Variants in SLC9A8 observed in about 807,000 individuals in gnomAD.
SLC9A8 encodes the protein sodium/hydrogen exchanger 8.
Under a neutral mutation model 66.6 loss-of-function variants are expected in SLC9A8, and 48 were observed. The ratio of observed to expected loss-of-function variants is 0.72; its 90% CI spans 0.57 to 0.92. The LOEUF is 0.92. SLC9A8 is among the 40% of genes least tolerant of loss of function. The pLI is 0.00. For missense variants in SLC9A8, 599 were observed against 747.3 expected, an observed-to-expected ratio of 0.80 and a Z score of 2.31; for synonymous variants, 274 against 282.6, an observed-to-expected ratio of 0.97 and a Z score of 0.31.
chr20:49,884,186 C>T lies in SLC9A8; in HGVS notation c.1491+120C>T, dbSNP rs1426569206. The T allele has an allele frequency of 1.3e-5, 8 of 634,830 alleles. No homozygotes were observed. In the Admixed American group the frequency reaches 1.8e-4, roughly 14 times the overall value. 39.3% of individuals were successfully genotyped at this position (634,830 alleles called of 1,614,324 possible). A position where few individuals can be genotyped will look rare whatever the true frequency, so the allele number is the denominator to read the frequency against. ...TTTCTTGCTTTGAGGATGCCCAGCACCTCCACACACACGACACACACACAC... is the reference window on the plus strand; with the variant it reads ...TTTCTTGCTTTGAGGATGCCCAGCATCTCCACACACACGACACACACACAC... On this transcript the variant is annotated intron_variant, in intron 14 of 15. Transcript: ENST00000361573.
intron 2 of SLC9A8, among the ~76,000 whole-genome samples, chr20:49,818,507 CT>C (rs2086633591): frequency 7.2e-6 from 1 of 139,594 alleles, no homozygotes; most frequent in Non-Finnish European, 1.5e-5. Flanking sequence ...TTTTTTCCCC[CT>C]GAGATGGAAT....
At chr20:49,882,812 G>A (rs370944955) in intron 13 of SLC9A8, among the ~76,000 whole-genome samples, 68 of 152,270 alleles carry the variant, frequency 4.5e-4, no homozygotes, top group East Asian at 2.3e-3. Flanking sequence ...CCTCTGGCCC[G>A]TGACAGGTTT....
At position 49,849,597 on chromosome 20, in the gene SLC9A8, A is replaced by G. The variant is rs1168970054; in HGVS notation, c.451A>G (p.Ile151Val). ...CAAACAGGGTAACTTCTTTCAAAAT[A>G]TTGGTTCCATCACCCTGTTTGCTGT... ...SLHKGNFFQN[I>V]GSITLFAVFG... Residue 151 changes from isoleucine to valine, a missense_variant, in exon 6 of 16, where the codon ATT (isoleucine) becomes GTT (valine). Transcript: ENST00000361573. 2.9e-5 allele frequency: 47 copies of G among 1,613,174 alleles called. No homozygotes were observed. The highest frequency in any genetic ancestry group is 3.7e-5 in the Non-Finnish European group (44 of 1,179,184).
chr20:49,844,430 A>T (rs2087893338), intron 4 of SLC9A8, among the ~76,000 whole-genome samples: 1 of 152,070 alleles, frequency 6.6e-6, no homozygotes, highest in Non-Finnish European at 1.5e-5. Flanking sequence ...TTCTTTCTGT[A>T]CTAAGGAATA....
At chr20:49,884,500 CT>C (rs1568884913) in intron 14 of SLC9A8, among the ~76,000 whole-genome samples, 1 of 152,072 alleles carries the variant, frequency 6.6e-6, no homozygotes, top group Non-Finnish European at 1.5e-5. Context: ...CCACAGGAGT[CT>C]GGACCTGTGC....
chr20:49,843,693 C>T (rs970702904), intron 4 of SLC9A8, among the ~76,000 whole-genome samples: 2 of 152,178 alleles, frequency 1.3e-5, no homozygotes, highest in African/African-American at 2.4e-5. Context: ...TGTTTCACCC[C>T]TCCAAAGATG....
At chr20:49,842,293 C>T (rs1600700935) in intron 4 of SLC9A8, among the ~76,000 whole-genome samples, 1 of 152,066 alleles carries the variant, frequency 6.6e-6, no homozygotes, top group East Asian at 1.9e-4. Flanking sequence ...TGGTCTCGAG[C>T]TCCTGACCTC....
In SLC9A8 at chr20:49,844,634, AAAAAAAAAAAAAAAAAT is replaced by A. The variant is rs1191544819; in HGVS notation, c.349-401_349-385del. Among the ~76,000 whole-genome samples, 2 of 49,326 alleles carry A rather than the reference AAAAAAAAAAAAAAAAAT, an allele frequency of 4.1e-5. 1 individual carries two copies. Among genetic ancestry groups the A allele is most frequent in the African/African-American group, 2.9e-4 (2 of 7,014 alleles). The allele number at this position is 49,326 out of a possible 152,430, so 32.4% of individuals were successfully genotyped here. A position where few individuals can be genotyped will look rare whatever the true frequency, so the allele number is the denominator to read the frequency against. ...CCCTGTATCTTAAAAAAAAAAAAAA[AAAAAAAAAAAAAAAAAT>A]TAGCCCGGCATGGTAGCACGCACAT... On this transcript the variant is annotated intron_variant, in intron 4 of 15. Transcript: ENST00000361573.
intron 6 of SLC9A8, 96 bp from the exon 7 acceptor site, chr20:49,850,714 A>T (rs1199210788): frequency 6.8e-7 from 1 of 1,478,148 alleles, no homozygotes; most frequent in South Asian, 1.2e-5. Flanking sequence ...TGTCCTTATT[A>T]GTTTTAATAA....
rs955729321 is a variant in SLC9A8, at chr20:49,890,941, T to C, written c.*3005T>C. 1 of 152,366 alleles carries C rather than the reference T, an allele frequency of 6.6e-6. No homozygotes were observed. The highest frequency in any genetic ancestry group is 6.5e-5 in the Admixed American group (1 of 15,286). The allele number at this position is 152,366 out of a possible 1,614,324, so 9.4% of individuals were successfully genotyped here. On this transcript the variant is annotated 3_prime_UTR_variant, in exon 16 of 16. Transcript: ENST00000361573. ...CATGGAATGCTGAAAGATGGGTGAC[T>C]GGGGACCCTTCTTAAAACCTTTGGC...
At chr20:49,824,792 TC>T (rs540077417) in intron 3 of SLC9A8, among the ~76,000 whole-genome samples, 27 of 152,130 alleles carry the variant, frequency 1.8e-4, no homozygotes, top group Non-Finnish European at 3.7e-4. Flanking sequence ...GATGGGCCCC[TC>T]CAAGTCAAGA....
rs184859062 is a variant in SLC9A8, at chr20:49,814,887, C to T, written c.27-121C>T. 8 of 708,232 alleles carry T rather than the reference C, an allele frequency of 1.1e-5. No homozygotes were observed. The Admixed American group carries it at 3.1e-4, about 28-fold the overall frequency. 43.9% of individuals were successfully genotyped at this position (708,232 alleles called of 1,614,324 possible). The stretch of plus-strand genomic sequence containing the variant: ...TAGTAAGTTTCTCTCGAAGGCCTGC[C>T]TGTTAAAGACTTCTGAATCCCATAA... On this transcript the variant is annotated intron_variant, in intron 1 of 15. Coordinates refer to ENST00000361573, the MANE Select transcript of SLC9A8 (RefSeq NM_015266.3).
intron 3 of SLC9A8, among the ~76,000 whole-genome samples, chr20:49,835,436 A>G (rs1054110523): frequency 3.3e-5 from 5 of 152,136 alleles, no homozygotes; most frequent in African/African-American, 7.2e-5. Flanking sequence ...TTGTACTACC[A>G]TCACCTCTAC....
Position 49,836,063 on chromosome 20 carries a change from A to G in SLC9A8, c.290-3478A>G, listed in dbSNP as rs537480214. Among the ~76,000 whole-genome samples, 11 of 152,234 alleles carry G rather than the reference A, an allele frequency of 7.2e-5. 1 individual carries two copies. In the South Asian group the frequency reaches 2.1e-3, roughly 29 times the overall value. On this transcript the variant is annotated intron_variant, in intron 3 of 15. Transcript: ENST00000361573. ...ATTTTAGGACATTTTTATCACCTCA[A>G]AAAGAAACCACATGCCCTTTAGCTC...
chr20:49,817,030 G>A (rs558319849), intron 2 of SLC9A8, among the ~76,000 whole-genome samples: 170 of 146,530 alleles, frequency 1.2e-3, no homozygotes, highest in African/African-American at 3.8e-3. Flanking sequence ...GCCCAGCCAA[G>A]TCCAAATTCT....
At chr20:49,838,160 A>AGTTG (rs1264085739) in intron 3 of SLC9A8, among the ~76,000 whole-genome samples, 3 of 152,188 alleles carry the variant, frequency 2.0e-5, no homozygotes, top group Non-Finnish European at 4.4e-5. Flanking sequence ...TTTCCAAGAT[A>AGTTG]GTTGGTTACC....
chr20:49,834,666 TAAC>T (rs1319662168), intron 3 of SLC9A8, among the ~76,000 whole-genome samples: 2 of 151,790 alleles, frequency 1.3e-5, no homozygotes, highest in African/African-American at 2.4e-5. Flanking sequence ...TAAGTAATAA[TAAC>T]AATAATATCA....
At chr20:49,858,683 C>T (rs2088606363) in intron 8 of SLC9A8, among the ~76,000 whole-genome samples, 1 of 151,966 alleles carries the variant, frequency 6.6e-6, no homozygotes, top group South Asian at 2.1e-4. Context: ...TGGGGCCAGG[C>T]ATGGTGGCTC....
rs34461954 is a variant in SLC9A8 at position 49,835,679 on chromosome 20, C to CTTTTT, written c.290-3842_290-3838dup. ...TGTACTTTGTATGCCACACAATTCA[C>CTTTTT]TTTTTTTTTTTTTTTTTTTTTTTTG... On this transcript the variant is annotated intron_variant, in intron 3 of 15. Transcript: ENST00000361573. Among the ~76,000 whole-genome samples, 430 of 71,972 alleles carry CTTTTT rather than the reference C, an allele frequency of 6.0e-3. 18 individuals are homozygous for CTTTTT. Among genetic ancestry groups the CTTTTT allele is most frequent in the African/African-American group, 0.015 (248 of 16,364 alleles). 47.2% of individuals were successfully genotyped at this position (71,972 alleles called of 152,430 possible).
Sources: allele counts gnomAD v4.1 joint callset (sites outside exome capture counted in the v4.1 genomes callset), GRCh38; gene constraint gnomAD v4.1.1; transcripts MANE v1.5; gene names NCBI Gene and HGNC (gene_info 2026-07-23, HGNC 2026-07-21).